Variants in DMD observed in about 807,000 individuals in gnomAD.
DMD encodes dystrophin.
A neutral mutation model predicts 330.1 loss-of-function variants in DMD; 63 were observed. The ratio of observed to expected loss-of-function variants is 0.19; its 90% CI spans 0.16 to 0.24. DMD has a LOEUF of 0.24. Ranked by LOEUF, DMD falls within the 10% of genes least tolerant of loss-of-function variation. DMD has a pLI of 1.00. For missense variants in DMD, 3,344 were observed against 2,684.1 expected (o/e 1.25, Z -5.43); for synonymous variants, 1,223 against 959.8 (o/e 1.27, Z -5.07).
intron 30 of DMD, among the ~76,000 whole-genome samples, chrX:32,408,810 G>T (rs1421482428): frequency 9.0e-6 from 1 of 111,146 alleles, no homozygotes; most frequent in Admixed American, 9.6e-5. Flanking sequence ...ACACATTTTT[G>T]TTAATACAAT....
At chrX:32,847,848 G>T (rs1214025422) in intron 3 of DMD, among the ~76,000 whole-genome samples, 1 of 112,029 alleles carries the variant, frequency 8.9e-6, no homozygotes, top group African/African-American at 3.2e-5. Context: ...GTATGTATAT[G>T]CATAAATGCA....
intron 13 of DMD, among the ~76,000 whole-genome samples, chrX:32,595,453 G>C (rs1351207722): frequency 9.0e-6 from 1 of 111,326 alleles, no homozygotes; most frequent in Non-Finnish European, 1.9e-5. Flanking sequence ...AAAAATGTCT[G>C]CATTTAAATT....
chrX:31,870,743 T>C (rs1375856592), intron 48 of DMD, among the ~76,000 whole-genome samples: 2 of 111,724 alleles, frequency 1.8e-5, no homozygotes, highest in Non-Finnish European at 3.8e-5. Context: ...TTATGGGCAA[T>C]TATGCTCCTT....
intron 49 of DMD, among the ~76,000 whole-genome samples, chrX:31,836,506 A>G (rs2093201020): frequency 8.9e-6 from 1 of 112,624 alleles, no homozygotes; most frequent in Non-Finnish European, 1.9e-5. Flanking sequence ...AGTCCTTTAA[A>G]GCAATGACTC....
chrX:31,784,829 A>G (rs1313259277), intron 50 of DMD, among the ~76,000 whole-genome samples: 3 of 112,160 alleles, frequency 2.7e-5, no homozygotes, highest in Non-Finnish European at 5.6e-5. Context: ...TAGACTAAGC[A>G]ATGATGTTTG....
intron 2 of DMD, among the ~76,000 whole-genome samples, chrX:32,989,972 C>T (rs911865646): frequency 7.2e-5 from 8 of 111,445 alleles, no homozygotes; most frequent in African/African-American, 2.6e-4. Flanking sequence ...TTTCATAACT[C>T]TGTATGAAAA....
chrX:32,279,347 A>G (rs1365053686), intron 43 of DMD, among the ~76,000 whole-genome samples: 1 of 111,795 alleles, frequency 8.9e-6, no homozygotes, highest in East Asian at 2.8e-4. Context: ...TATATCAAAG[A>G]GATATCTGTA....
intron 44 of DMD, among the ~76,000 whole-genome samples, chrX:32,156,431 A>G (rs747496132): frequency 8.9e-6 from 1 of 112,456 alleles, no homozygotes; most frequent in South Asian, 3.7e-4. Flanking sequence ...ACTGATAACA[A>G]TACTTAGAAA....
intron 44 of DMD, among the ~76,000 whole-genome samples, chrX:32,145,999 T>C (rs776075253): frequency 1.8e-5 from 2 of 111,668 alleles, no homozygotes; most frequent in African/African-American, 6.5e-5. Flanking sequence ...AGTAACCTCA[T>C]AGATTGTGGT....
In DMD at chrX:33,134,620, G is replaced by C. The variant is rs182606175; in HGVS notation, c.31+76662C>G. ...ATGTTCTCGCTACAAAAAATGATAA[G>C]TTGGTGAGGTGATAGATATGTTAGT... On this transcript the variant is annotated intron_variant, in intron 1 of 78. Coordinates refer to ENST00000357033, the MANE Select transcript of DMD (RefSeq NM_004006.3). 7.6e-3 allele frequency among the ~76,000 whole-genome samples: 847 copies of C among 112,131 alleles called. 6 individuals are homozygous for C. Among genetic ancestry groups the C allele is most frequent in the African/African-American group, 0.025 (788 of 30,946 alleles).
At chrX:32,434,089 C>A (rs1434976557) in intron 29 of DMD, among the ~76,000 whole-genome samples, 1 of 112,081 alleles carries the variant, frequency 8.9e-6, no homozygotes, top group African/African-American at 3.2e-5. Flanking sequence ...TAGCAAATCT[C>A]TTTTAAATAT....
rs192336072 is a variant in DMD, at chrX:32,447,562, G to A, written c.3786+894C>T. 5.5e-4 allele frequency among the ~76,000 whole-genome samples: 61 copies of A among 111,278 alleles called. 1 individual carries two copies. The highest frequency in any genetic ancestry group is 3.7e-3 in the Admixed American group (39 of 10,551). On this transcript the variant is annotated intron_variant, in intron 27 of 78. Transcript: ENST00000357033. ...GTGTACTTTATTATTGATCTGAATC[G>A]TATCTTTCTTTAAATATCAAACCCT...
At chrX:32,693,681 C>T (rs543404344) in intron 9 of DMD, among the ~76,000 whole-genome samples, 2 of 112,096 alleles carry the variant, frequency 1.8e-5, no homozygotes, top group African/African-American at 6.5e-5. Flanking sequence ...CTCAAGTGAT[C>T]TCCCCGCGTC....
At chrX:31,473,203 CAAA>C (rs59143391) in intron 59 of DMD, among the ~76,000 whole-genome samples, 4 of 82,886 alleles carry the variant, frequency 4.8e-5, no homozygotes, top group Non-Finnish European at 9.7e-5. Flanking sequence ...CTAAAAAATC[CAAA>C]AAAAAAAAAA....
At chrX:31,168,998 T>G (rs1412188110) in intron 74 of DMD, among the ~76,000 whole-genome samples, 2 of 111,951 alleles carry the variant, frequency 1.8e-5, no homozygotes, top group Non-Finnish European at 3.8e-5. Context: ...CATTTGATGA[T>G]GAAAAATAAG....
rs1032668960 is a variant in DMD at position 32,570,670 on chromosome X, T to C, written c.1812+2860A>G. On this transcript the variant is annotated intron_variant, in intron 15 of 78. Coordinates refer to ENST00000357033, the MANE Select transcript of DMD (RefSeq NM_004006.3). ...TTAGTGTTCATTTTAAGTCTGATAC[T>C]AATGTTGTAGGATACAGATCCTGTG... Among the ~76,000 whole-genome samples, 9 of 111,714 alleles carry C rather than the reference T, an allele frequency of 8.1e-5. No homozygotes were observed. The Admixed American group carries it at 8.6e-4, about 11-fold the overall frequency.
chrX:31,271,747 C>T (rs1159363303), intron 62 of DMD, among the ~76,000 whole-genome samples: 1 of 111,951 alleles, frequency 8.9e-6, no homozygotes, highest in Non-Finnish European at 1.9e-5. Flanking sequence ...ACAATAAAGA[C>T]ATAAGAATTC....
intron 6 of DMD, among the ~76,000 whole-genome samples, chrX:32,810,339 A>ACCT (rs1449023696): frequency 1.8e-5 from 2 of 111,031 alleles, no homozygotes; most frequent in African/African-American, 3.3e-5. Context: ...TCTAACCCAG[A>ACCT]CCTCTTCCCT....
chrX:32,366,770 C>T (rs2097856071), intron 34 of DMD, among the ~76,000 whole-genome samples: 1 of 111,762 alleles, frequency 8.9e-6, no homozygotes, highest in African/African-American at 3.3e-5. Flanking sequence ...CCTTTGGCAT[C>T]GGATAAACAG....
Sources: gnomAD v4.1 joint callset for allele counts (sites outside exome capture counted in the v4.1 genomes callset) on GRCh38, gnomAD v4.1.1 for gene constraint, MANE v1.5 for transcripts, NCBI Gene and HGNC (gene_info 2026-07-23, HGNC 2026-07-21) for gene names.